The following HENMT1 variants were observed in gnomAD, a reference collection of about 807,000 sequenced individuals.
HENMT1 encodes HEN methyltransferase 1.
In HENMT1, 27 loss-of-function variants were observed where a neutral mutation model predicts 31.1. The ratio of observed to expected loss-of-function variants is 0.87; its 90% CI spans 0.64 to 1.20. HENMT1 has a LOEUF of 1.20. Ranked by LOEUF, HENMT1 falls within the 50% of genes most tolerant of loss-of-function variation. The probability of loss-of-function intolerance (pLI) is 0.00; values close to 1 mark genes in which losing one functional copy is unlikely to be tolerated. For missense variants in HENMT1, 438 were observed against 469.6 expected (o/e 0.93, Z 0.62); for synonymous variants, 167 against 172.2 (o/e 0.97, Z 0.24).
At position 108,660,894 on chromosome 1, in the gene HENMT1, A is replaced by T. The variant is rs1333937876; in HGVS notation, c.-79+69T>A. On this transcript the variant is annotated intron_variant, in intron 1 of 7. Coordinates refer to ENST00000651461, the MANE Select transcript of HENMT1 (RefSeq NM_001102592.2). ...AGCCGAGATCCCGCCACTGCACTCCAGCCTGGGCGACAGAGCGAGACTCCG... is the reference window on the plus strand; with the variant it reads ...AGCCGAGATCCCGCCACTGCACTCCTGCCTGGGCGACAGAGCGAGACTCCG... The T allele has an allele frequency of 3.9e-6, 3 of 770,714 alleles. No homozygotes were observed. The East Asian group carries it at 3.9e-4, about 99-fold the overall frequency. The allele number at this position is 770,714 out of a possible 1,614,324, so 47.7% of individuals were successfully genotyped here. A position where few individuals can be genotyped will look rare whatever the true frequency, so the allele number is the denominator to read the frequency against.
chr1:108,657,875 C>A (rs1458381052), intron 2 of HENMT1, among the ~76,000 whole-genome samples: 1 of 151,974 alleles, frequency 6.6e-6, no homozygotes, highest in Non-Finnish European at 1.5e-5. Context: ...TTAGATGACT[C>A]CTAACCATAA....
In HENMT1 at chr1:108,656,395, A is replaced by G. The variant is rs888674495; in HGVS notation, c.151-697T>C. ...CTTACCCGCATCTAATTCACATCCAATCCATTAGTATAGTAACCAGGTATG... is the reference window on the plus strand; with the variant it reads ...CTTACCCGCATCTAATTCACATCCAGTCCATTAGTATAGTAACCAGGTATG... On this transcript the variant is annotated intron_variant, in intron 3 of 7. Coordinates refer to ENST00000651461, the MANE Select transcript of HENMT1 (RefSeq NM_001102592.2). 3.0e-4 allele frequency among the ~76,000 whole-genome samples: 45 copies of G among 152,318 alleles called. 1 individual carries two copies. The highest frequency in any genetic ancestry group is 9.6e-4 in the African/African-American group (40 of 41,576).
At chr1:108,656,471 C>T (rs1354901244) in intron 3 of HENMT1, among the ~76,000 whole-genome samples, 2 of 152,116 alleles carry the variant, frequency 1.3e-5, no homozygotes, top group African/African-American at 2.4e-5. Context: ...TGAAGTTAAC[C>T]GAGTAGGTTC....
chr1:108,659,986 T>A, intron 1 of HENMT1, 24 bp from the exon 2 acceptor site: 2 of 1,333,150 alleles, frequency 1.5e-6, no homozygotes, highest in East Asian at 5.4e-5. Context: ...AAAACCGTTT[T>A]TGTAAAGCGA....
In HENMT1 at chr1:108,650,383, A is replaced by T; in HGVS notation, c.584T>A (p.Leu195Ter). 1 of 1,609,566 alleles carries T rather than the reference A, an allele frequency of 6.2e-7. No individual in the cohort carries two copies. Among genetic ancestry groups the T allele is most frequent in the Non-Finnish European group, 8.5e-7 (1 of 1,178,698 alleles). The stretch of plus-strand genomic sequence containing the variant: ...GTAATCATAGCGATTTGCCACATAT[A>T]AAGCCCTGAAACCAAAACGAGGACA... ...WTRMEFQTWA[L>*]YVANRYDYSV... The change falls in exon 7 of 8, where the codon TTA (leucine) becomes TAA (stop). Residue 195 changes from leucine (L) to a stop codon, truncating the protein, a stop_gained. Transcript: ENST00000651461. LOFTEE classifies it high-confidence loss of function.
intron 7 of HENMT1, chr1:108,649,901 A>C: frequency 2.4e-6 from 1 of 417,950 alleles, no homozygotes; most frequent in Non-Finnish European, 4.5e-6. Flanking sequence ...CAATCTTTCT[A>C]CCTTGGCCTC....
intron 5 of HENMT1, among the ~76,000 whole-genome samples, chr1:108,653,170 C>T (rs947933883): frequency 4.0e-5 from 6 of 151,670 alleles, no homozygotes; most frequent in South Asian, 4.2e-4. Flanking sequence ...CCCATTATCA[C>T]GCCCAGCTAA....
intron 2 of HENMT1, among the ~76,000 whole-genome samples, chr1:108,659,572 TAAC>T (rs1161797407): frequency 2.6e-5 from 4 of 152,128 alleles, no homozygotes; most frequent in Non-Finnish European, 4.4e-5. Flanking sequence ...ATCTGCAACT[TAAC>T]AAAATCCCCA....
At chr1:108,650,920 T>C (rs1201817077) in intron 6 of HENMT1, 110 bp downstream of exon 6, 10 of 746,794 alleles carry the variant, frequency 1.3e-5, no homozygotes, top group East Asian at 5.3e-5. Context: ...ATCAATTTTA[T>C]TGGAAGAAAG....
intron 2 of HENMT1, among the ~76,000 whole-genome samples, chr1:108,658,143 T>TTTTTC (rs1553183834): frequency 6.8e-6 from 1 of 148,030 alleles, no homozygotes; most frequent in African/African-American, 2.5e-5. Flanking sequence ...ATTTTTTTTT[T>TTTTTC]CCCCCCAAGA....
Position 108,655,608 on chromosome 1 carries a change from C to T in HENMT1, c.241G>A (p.Glu81Lys), listed in dbSNP as rs371270880. ...IELLVGVDIN[E>K]DKLRWRGDSL... ...TACCCTCTCCATCGTAATTTATCCTCATTAATATCTACTCCAACAAGCAAT... is the reference window on the plus strand; with the variant it reads ...TACCCTCTCCATCGTAATTTATCCTTATTAATATCTACTCCAACAAGCAAT... The change falls in exon 4 of 8, where the codon GAG (glutamate) becomes AAG (lysine). Residue 81 changes from glutamate (E) to lysine (K), a missense_variant. Glu to Lys is a moderately conservative substitution (Grantham distance 56). Coordinates refer to ENST00000651461, the MANE Select transcript of HENMT1 (RefSeq NM_001102592.2). 8 of 1,606,558 alleles carry T rather than the reference C, an allele frequency of 5.0e-6. No individual in the cohort carries two copies. Among genetic ancestry groups the T allele is most frequent in the Non-Finnish European group, 4.3e-6 (5 of 1,174,720 alleles).
At chr1:108,657,319 G>C (rs970328300) in intron 3 of HENMT1, 132 bp downstream of exon 3, 4 of 614,064 alleles carry the variant, frequency 6.5e-6, no homozygotes, top group African/African-American at 1.9e-5. Flanking sequence ...TGCAGATCTT[G>C]TGGTTACGGC....
intron 4 of HENMT1, 39 bp downstream of exon 4, chr1:108,655,547 T>C: frequency 8.3e-7 from 1 of 1,203,506 alleles, no homozygotes. Context: ...GCCATTAGTT[T>C]TAGATTAACG....
At position 108,651,192 on chromosome 1, in the gene HENMT1, G is replaced by T; in HGVS notation, c.416C>A (p.Ser139Ter). The T allele has an allele frequency of 6.2e-7, 1 of 1,613,408 alleles. No individual in the cohort carries two copies. Among genetic ancestry groups the T allele is most frequent in the South Asian group, 1.1e-5 (1 of 90,894 alleles). ...TCIELIEHLD[S>*]GDLARFPEVV... ...TTCAGGAAATCTGGCCAGATCACCTGAATCCAAATGTTCTATTCTAAAATG... is the reference window on the plus strand; with the variant it reads ...TTCAGGAAATCTGGCCAGATCACCTTAATCCAAATGTTCTATTCTAAAATG... Residue 139 changes from serine (S) to a stop codon, truncating the protein, a stop_gained, in exon 6 of 8, where the codon TCA (serine) becomes TAA (stop). Transcript: ENST00000651461. LOFTEE classifies it high-confidence loss of function.
intron 2 of HENMT1, 131 bp downstream of exon 2, chr1:108,659,733 T>C: frequency 1.6e-6 from 1 of 615,472 alleles, no homozygotes; most frequent in Non-Finnish European, 2.9e-6. Flanking sequence ...TGTATACCCT[T>C]GTTTACCTCA....
At chr1:108,661,125 C>T, upstream of HENMT1, 1 of 475,948 alleles carries the variant, frequency 2.1e-6, no homozygotes, top group Non-Finnish European at 2.7e-6. Context: ...GTGACGCTAC[C>T]GCCGCGGCTA....
At position 108,654,816 on chromosome 1, in the gene HENMT1, T is replaced by C. The variant is rs1658168428; in HGVS notation, c.298A>G (p.Lys100Glu). The C allele has an allele frequency of 1.9e-6, 3 of 1,614,140 alleles. No homozygotes were observed. The African/African-American group carries it at 4.0e-5, about 22-fold the overall frequency. The change falls in exon 5 of 8, where the codon AAA becomes GAA. Residue 100 changes from lysine to glutamate, a missense_variant. Physicochemically the swap from Lys to Glu is moderately conservative, Grantham distance 56 (BLOSUM62 1). Coordinates refer to ENST00000651461, the MANE Select transcript of HENMT1 (RefSeq NM_001102592.2). ...ATGGTCAAATTCAGATCCCGAGGTT[T>C]CAGAAAATCCCCCAGGAAAGGAGCT... ...SLAPFLGDFL[K>E]PRDLNLTITL...
At chr1:108,657,823 G>A (rs1658294674) in intron 2 of HENMT1, among the ~76,000 whole-genome samples, 1 of 151,982 alleles carries the variant, frequency 6.6e-6, no homozygotes, top group Non-Finnish European at 1.5e-5. Context: ...CTTAGTTTCA[G>A]CTGAAGGGAA....
chr1:108,650,497 A>G, intron 6 of HENMT1, 109 bp from the exon 7 acceptor site: 1 of 946,844 alleles, frequency 1.1e-6, no homozygotes, highest in East Asian at 2.5e-5. Flanking sequence ...TACAATGAAC[A>G]TAAATACTTC....
Sources: gnomAD v4.1 joint callset for allele counts (sites outside exome capture counted in the v4.1 genomes callset) on GRCh38, gnomAD v4.1.1 for gene constraint, MANE v1.5 for transcripts, NCBI Gene and HGNC (gene_info 2026-07-23, HGNC 2026-07-21) for gene names.